ABHD6: variants seen among roughly 807,000 people sequenced by gnomAD.
The protein encoded by ABHD6 is monoacylglycerol lipase ABHD6.
A neutral mutation model predicts 38.8 loss-of-function variants in ABHD6; 33 were observed. That is an observed-to-expected ratio of 0.85 (90% CI 0.64 to 1.14). The LOEUF is 1.14. Among genes scored for constraint, ABHD6 ranks in the 50% most tolerant of loss-of-function variants. ABHD6 has a pLI of 0.00. For synonymous variants in ABHD6, 147 were observed against 161.6 expected (o/e 0.91, Z 0.69); for missense variants, 380 against 422.6 (o/e 0.90, Z 0.88).
At chr3:58,249,567 A>G (rs1251991401) in intron 1 of ABHD6, among the ~76,000 whole-genome samples, 2 of 152,190 alleles carry the variant, frequency 1.3e-5, no homozygotes, top group Non-Finnish European at 2.9e-5. Flanking sequence ...CCGATGGAGG[A>G]GAGCTTTAAC....
At chr3:58,268,764 G>A (rs967811597) in intron 4 of ABHD6, among the ~76,000 whole-genome samples, 4 of 152,112 alleles carry the variant, frequency 2.6e-5, no homozygotes, top group Non-Finnish European at 5.9e-5. Context: ...CAGTTTCCTG[G>A]TTAAAAGTGG....
At position 58,263,689 on chromosome 3, in the gene ABHD6, G is replaced by T. The variant is rs1458150231; in HGVS notation, c.120-3500G>T. Among the ~76,000 whole-genome samples, 1 of 152,322 alleles carries T rather than the reference G, an allele frequency of 6.6e-6. No homozygotes were observed. Among genetic ancestry groups the T allele is most frequent in the South Asian group, 2.1e-4 (1 of 4,828 alleles). ...GCTGATGTATGTTGAGTATCCAGTA[G>T]TCTGCTGAAGTTTCACCTTTTCCAC... On this transcript the variant is annotated intron_variant, in intron 3 of 9. Coordinates refer to ENST00000478253, the MANE Select transcript of ABHD6 (RefSeq NM_001320126.2). The surrounding 1 kb of genome is among the most constrained non-coding windows in gnomAD (Gnocchi z 4.9).
chr3:58,241,256 G>A (rs185651850), intron 1 of ABHD6, among the ~76,000 whole-genome samples: 1 of 152,182 alleles, frequency 6.6e-6, no homozygotes, highest in Non-Finnish European at 1.5e-5. Flanking sequence ...GCATGTAGTT[G>A]CCTCTTCCAA....
intron 7 of ABHD6, among the ~76,000 whole-genome samples, chr3:58,283,012 G>A (rs1397117053): frequency 2.0e-5 from 3 of 152,222 alleles, no homozygotes; most frequent in African/African-American, 7.2e-5. Flanking sequence ...CCATGGCTGA[G>A]GCTTCATAAC....
At chr3:58,262,798 G>C (rs1055666976) in intron 3 of ABHD6, among the ~76,000 whole-genome samples, 2 of 152,194 alleles carry the variant, frequency 1.3e-5, no homozygotes, top group Non-Finnish European at 2.9e-5. Flanking sequence ...GGCTGGGCAT[G>C]GTGGCTCACG....
chr3:58,289,442 G>C (rs868264590), intron 9 of ABHD6, among the ~76,000 whole-genome samples: 1 of 149,320 alleles, frequency 6.7e-6, no homozygotes, highest in Non-Finnish European at 1.5e-5. Context: ...GACTCTTAAC[G>C]AGCATGCTGC....
At chr3:58,247,775 G>A (rs923881610) in intron 1 of ABHD6, among the ~76,000 whole-genome samples, 6 of 152,134 alleles carry the variant, frequency 3.9e-5, no homozygotes, top group African/African-American at 9.7e-5. Context: ...GGGTTTCACC[G>A]TGTTGGCCAG....
intron 1 of ABHD6, among the ~76,000 whole-genome samples, chr3:58,245,817 G>A (rs1559769778): frequency 3.1e-5 from 3 of 95,602 alleles, no homozygotes; most frequent in African/African-American, 1.6e-4. Flanking sequence ...AGAGAAGAAA[G>A]AAAGAAAGAA....
intron 7 of ABHD6, 106 bp downstream of exon 7, chr3:58,274,921 T>C: frequency 7.5e-7 from 1 of 1,329,300 alleles, no homozygotes; most frequent in Admixed American, 2.1e-5. Flanking sequence ...GACTACTTCT[T>C]GTCCTCTTCT....
At chr3:58,247,719 C>T (rs1400576032) in intron 1 of ABHD6, among the ~76,000 whole-genome samples, 16 of 152,106 alleles carry the variant, frequency 1.1e-4, no homozygotes, top group Admixed American at 8.5e-4. Context: ...GGACTACAGG[C>T]GCACACCACC....
intron 7 of ABHD6, among the ~76,000 whole-genome samples, chr3:58,275,697 G>C (rs1275341437): frequency 6.6e-6 from 1 of 152,090 alleles, no homozygotes; most frequent in Non-Finnish European, 1.5e-5. Flanking sequence ...ACAGATTGCA[G>C]GTTTCATACA....
chr3:58,249,284 C>G (rs561121333), intron 1 of ABHD6, among the ~76,000 whole-genome samples: 5 of 152,262 alleles, frequency 3.3e-5, no homozygotes, highest in Non-Finnish European at 5.9e-5. Flanking sequence ...CCTCCTAGAA[C>G]TTAGATGGTT....
At chr3:58,243,298 C>CAT (rs1245193390) in intron 1 of ABHD6, among the ~76,000 whole-genome samples, 1 of 152,216 alleles carries the variant, frequency 6.6e-6, no homozygotes, top group Non-Finnish European at 1.5e-5. Context: ...AATCACTGCA[C>CAT]TGTCTTCCAC....
In ABHD6 at chr3:58,273,647, T is replaced by C. The variant is rs1036188828; in HGVS notation, c.524-1011T>C. The stretch of plus-strand genomic sequence containing the variant: ...GAACAGAAAACCAAACACCGCATGT[T>C]CTCACTCATAAGTGCGAGTTGAACA... On this transcript the variant is annotated intron_variant, in intron 6 of 9. Transcript: ENST00000478253. The surrounding 1 kb of genome is among the most constrained non-coding windows in gnomAD (Gnocchi z 4.8). Among the ~76,000 whole-genome samples the C allele has an allele frequency of 6.6e-6, 1 of 152,130 alleles. No individual in the cohort carries two copies. The highest frequency in any genetic ancestry group is 6.5e-5 in the Admixed American group (1 of 15,270).
Position 58,293,893 on chromosome 3 carries a change from C to A in ABHD6, c.*128C>A. 1 of 1,032,706 alleles carries A rather than the reference C, an allele frequency of 9.7e-7. No homozygotes were observed. Among genetic ancestry groups the A allele is most frequent in the Non-Finnish European group, 1.4e-6 (1 of 731,280 alleles). The allele number at this position is 1,032,706 out of a possible 1,614,324, so 64.0% of individuals were successfully genotyped here. ...CGCCAGTGACCCTGAGGAAGCCCGT[C>A]CCTTATCCCTGGTATCCACGGTTCC... is the stretch of plus-strand genomic sequence containing the variant. On this transcript the variant is annotated 3_prime_UTR_variant, in exon 10 of 10. Transcript: ENST00000478253. This position sits in a 1 kb window ranked among gnomAD's most constrained non-coding sequence, Gnocchi z 4.4.
In ABHD6 at chr3:58,258,853, G is replaced by A. The variant is rs2097435096; in HGVS notation, c.119+2148G>A. Among the ~76,000 whole-genome samples the A allele has an allele frequency of 2.0e-5, 3 of 152,110 alleles. No individual in the cohort carries two copies. The South Asian group carries it at 6.2e-4, about 32-fold the overall frequency. The stretch of plus-strand genomic sequence containing the variant: ...TCTTGCTCTCTGGGGGCGGGAGTGG[G>A]GAGTTGTGACCCCCTCCCAAGTCAC... On this transcript the variant is annotated intron_variant, in intron 3 of 9. Coordinates refer to ENST00000478253, the MANE Select transcript of ABHD6 (RefSeq NM_001320126.2).
At chr3:58,291,510 C>T (rs1160937857) in intron 9 of ABHD6, among the ~76,000 whole-genome samples, 2 of 152,152 alleles carry the variant, frequency 1.3e-5, no homozygotes, top group African/African-American at 2.4e-5. Flanking sequence ...CTTCCCACCT[C>T]GGCCTCCCAG....
intron 7 of ABHD6, among the ~76,000 whole-genome samples, chr3:58,276,844 T>TG (rs2097449097): frequency 6.6e-6 from 1 of 152,252 alleles, no homozygotes; most frequent in Non-Finnish European, 1.5e-5. Flanking sequence ...GCTAGCCAGT[T>TG]TTCCCAGCAC....
chr3:58,277,887 G>A (rs2097449883), intron 7 of ABHD6, among the ~76,000 whole-genome samples: 1 of 152,092 alleles, frequency 6.6e-6, no homozygotes, highest in African/African-American at 2.4e-5. Context: ...TTTGTCATTC[G>A]TTCTATTTAT....
Sources: allele counts gnomAD v4.1 joint callset (sites outside exome capture counted in the v4.1 genomes callset), GRCh38; gene constraint gnomAD v4.1.1; non-coding constraint Gnocchi (gnomAD v3.1); transcripts MANE v1.5; gene names NCBI Gene and HGNC (gene_info 2026-07-23, HGNC 2026-07-21).